Variants in LRRK1 observed in about 807,000 individuals in gnomAD.
LRRK1 encodes leucine rich repeat kinase 1, also known as leucine-rich repeat serine/threonine-protein kinase 1.
Under a neutral mutation model 209.1 loss-of-function variants are expected in LRRK1, and 113 were observed. The ratio of observed to expected loss-of-function variants is 0.54; its 90% CI spans 0.46 to 0.63. The LOEUF is 0.63. Ranked by LOEUF, LRRK1 falls within the 30% of genes least tolerant of loss-of-function variation. LRRK1 has a pLI of 0.00. For synonymous variants in LRRK1, 1,144 were observed against 1,099.7 expected (o/e 1.04, Z -0.80); for missense variants, 2,284 against 2,632.2 (o/e 0.87, Z 2.89).
At chr15:100,995,039 G>T (rs1404039962) in intron 6 of LRRK1, among the ~76,000 whole-genome samples, 1 of 152,228 alleles carries the variant, frequency 6.6e-6, no homozygotes, top group Non-Finnish European at 1.5e-5. Context: ...CTTTGGCACT[G>T]CTGGCACTCA....
intron 1 of LRRK1, among the ~76,000 whole-genome samples, 169 bp from the exon 2 acceptor site, chr15:100,924,342 G>C (rs1045445495): frequency 1.1e-4 from 17 of 152,316 alleles, no homozygotes; most frequent in Middle Eastern, 3.4e-3. Context: ...AAGATGGGAT[G>C]GGGGGAGCTG....
chr15:100,959,683 G>A (rs1487729326), intron 2 of LRRK1, among the ~76,000 whole-genome samples: 1 of 152,188 alleles, frequency 6.6e-6, no homozygotes, highest in Non-Finnish European at 1.5e-5. Flanking sequence ...TTCTCTTTGT[G>A]TATGTATTTT....
At chr15:101,012,405 C>T (rs1049990417) in intron 10 of LRRK1, among the ~76,000 whole-genome samples, 4 of 152,194 alleles carry the variant, frequency 2.6e-5, no homozygotes, top group Non-Finnish European at 4.4e-5. Flanking sequence ...CACGGCCTGC[C>T]CATATATGAG....
rs2033862340 is a variant in LRRK1, at chr15:101,022,836, C to T, written c.2067+239C>T. 6.6e-6 allele frequency among the ~76,000 whole-genome samples: 1 copy of T among 150,666 alleles called. No homozygotes were observed. The highest frequency in any genetic ancestry group is 2.1e-4 in the South Asian group (1 of 4,754). On this transcript the variant is annotated intron_variant, in intron 15 of 33. Transcript: ENST00000388948. This position sits in a 1 kb window ranked among gnomAD's most constrained non-coding sequence, Gnocchi z 4.0. Reference sequence around the variant, plus strand: ...CTTTTCTTTTTTTTTTTTCTTGAGACAGGGTTTCACTGTGTCTCTCAGGCT... The same window carrying T: ...CTTTTCTTTTTTTTTTTTCTTGAGATAGGGTTTCACTGTGTCTCTCAGGCT...
intron 3 of LRRK1, among the ~76,000 whole-genome samples, chr15:100,982,176 C>T (rs1362036840): frequency 6.6e-6 from 1 of 152,220 alleles, no homozygotes; most frequent in Non-Finnish European, 1.5e-5. Context: ...GTCCCACTCT[C>T]ACACACAGTA....
Position 101,065,904 on chromosome 15 carries a change from G to A in LRRK1, c.5467G>A (p.Glu1823Lys). The A allele has an allele frequency of 6.2e-7, 1 of 1,614,158 alleles. No homozygotes were observed. The highest frequency in any genetic ancestry group is 8.5e-7 in the Non-Finnish European group (1 of 1,180,030). ...GGACGTGAGCATCATGTACAGTGAG[G>A]AGCTGGGCACGCAGATCCTGATCCA... ...IADVSIMYSE[E>K]LGTQILIHQE... Residue 1823 changes from glutamate to lysine, a missense_variant, in exon 32 of 34, where the codon GAG becomes AAG. Transcript: ENST00000388948.
At chr15:100,920,728 T>A (rs2141586812) in intron 1 of LRRK1, among the ~76,000 whole-genome samples, 1 of 144,700 alleles carries the variant, frequency 6.9e-6, no homozygotes, top group Non-Finnish European at 1.5e-5. Context: ...CTTCCTCCAT[T>A]CTCTATATAG....
chr15:100,990,266 T>C (rs2032088569), intron 6 of LRRK1, among the ~76,000 whole-genome samples: 1 of 152,214 alleles, frequency 6.6e-6, no homozygotes. Flanking sequence ...TTAGGGACGT[T>C]CTTTAAATAC....
intron 12 of LRRK1, among the ~76,000 whole-genome samples, chr15:101,019,433 G>A (rs2033680443): frequency 6.6e-6 from 1 of 152,190 alleles, no homozygotes. Context: ...CTCATACAAA[G>A]CCATCTTTAG....
chr15:100,930,104 C>T (rs1052964956), intron 2 of LRRK1, among the ~76,000 whole-genome samples: 1 of 152,236 alleles, frequency 6.6e-6, no homozygotes, highest in African/African-American at 2.4e-5. Context: ...TAGCAAACAA[C>T]GCCAGCCTTT....
At chr15:101,009,467 A>G (rs1052342149) in intron 7 of LRRK1, among the ~76,000 whole-genome samples, 1 of 152,252 alleles carries the variant, frequency 6.6e-6, no homozygotes, top group Non-Finnish European at 1.5e-5. Flanking sequence ...CTCTGGCAGC[A>G]GGTGGACAGT....
chr15:101,056,982 C>A lies in LRRK1; in HGVS notation c.4459C>A (p.Pro1487Thr). The change falls in exon 28 of 34, where the codon CCG becomes ACG. Residue 1487 changes from proline to threonine, a missense_variant. Physicochemically the swap from Pro to Thr is conservative, Grantham distance 38 (BLOSUM62 -1). Transcript: ENST00000388948. ...SKGIRPVLGQ[P>T]EEVQFRRLQA... ...GGGCATCCGCCCGGTTCTGGGGCAG[C>A]CGGAGGAAGTGCAGTTCCGGCGACT... The A allele has an allele frequency of 6.2e-7, 1 of 1,614,086 alleles. No homozygotes were observed. The highest frequency in any genetic ancestry group is 8.5e-7 in the Non-Finnish European group (1 of 1,179,990).
At chr15:101,044,316 C>A (rs1025912452) in intron 20 of LRRK1, among the ~76,000 whole-genome samples, 1 of 152,206 alleles carries the variant, frequency 6.6e-6, no homozygotes. Flanking sequence ...AGAAGGGCTG[C>A]GGCCCCTGTC....
At chr15:100,925,319 A>G (rs2042090521) in intron 2 of LRRK1, among the ~76,000 whole-genome samples, 2 of 152,094 alleles carry the variant, frequency 1.3e-5, no homozygotes, top group Admixed American at 1.3e-4. Flanking sequence ...ATTTTATTTT[A>G]TTTTTTTACG....
At chr15:101,048,448 C>T (rs746017309) in intron 21 of LRRK1, 46 bp from the exon 22 acceptor site, 8 of 1,557,448 alleles carry the variant, frequency 5.1e-6, no homozygotes, top group East Asian at 4.7e-5. Context: ...CCAGGGCCAG[C>T]GAGGAGCCCA....
intron 2 of LRRK1, among the ~76,000 whole-genome samples, chr15:100,964,657 C>T (rs2030334394): frequency 6.6e-6 from 1 of 152,212 alleles, no homozygotes; most frequent in Admixed American, 6.5e-5. Context: ...AAAATAAAGT[C>T]ATGGATATGC....
chr15:101,009,137 G>C, intron 7 of LRRK1, 74 bp downstream of exon 7: 1 of 1,205,276 alleles, frequency 8.3e-7, no homozygotes, highest in Non-Finnish European at 1.2e-6. Flanking sequence ...ATGCTCCCGG[G>C]TTGTATTTTG....
rs758619910 is a variant in LRRK1, at chr15:101,027,698, C to T, written c.2587C>T (p.Arg863Trp). 1.3e-4 allele frequency: 211 copies of T among 1,612,984 alleles called. 2 individuals carry two copies. In the South Asian group the frequency reaches 2.0e-3, roughly 15 times the overall value. Residue 863 changes from arginine (R) to tryptophan (W), a missense_variant, in exon 19 of 34, where the codon CGG becomes TGG. Physicochemically the swap from Arg to Trp is moderately radical, Grantham distance 101. Coordinates refer to ENST00000388948, the MANE Select transcript of LRRK1 (RefSeq NM_024652.6). This position sits in a 1 kb window ranked among gnomAD's most constrained non-coding sequence, Gnocchi z 5.1. Reference sequence around the variant, plus strand: ...GCTGGCAGAGCAGCAGCGCCGCAGCCGGGACGACGACGTGCAGTACCTGAC... The same window carrying T: ...GCTGGCAGAGCAGCAGCGCCGCAGCTGGGACGACGACGTGCAGTACCTGAC... Reference protein sequence around the residue: ...AVLAEQQRRSRDDDVQYLTDR... With the variant: ...AVLAEQQRRSWDDDVQYLTDR...
chr15:100,944,998 A>AT (rs111347977), intron 2 of LRRK1, among the ~76,000 whole-genome samples: 6,069 of 152,258 alleles, frequency 0.04, 387 homozygotes, highest in African/African-American at 0.14. Flanking sequence ...TCTTTCACAC[A>AT]TTAAGGGTGT....
Sources: gnomAD v4.1 joint callset for allele counts (sites outside exome capture counted in the v4.1 genomes callset) on GRCh38, gnomAD v4.1.1 for gene constraint, Gnocchi (gnomAD v3.1) non-coding constraint, MANE v1.5 for transcripts, NCBI Gene and HGNC (gene_info 2026-07-23, HGNC 2026-07-21) for gene names.